MMP16: variants seen among roughly 807,000 people sequenced by gnomAD.
The protein encoded by MMP16 is matrix metalloproteinase-16.
A neutral mutation model predicts 67.8 loss-of-function variants in MMP16; 12 were observed. The ratio of observed to expected loss-of-function variants is 0.18; its 90% confidence interval spans 0.11 to 0.29. The LOEUF is 0.29. Among genes scored for constraint, MMP16 ranks in the 10% least tolerant of loss-of-function variants. The probability of loss-of-function intolerance (pLI) is 1.00; values close to 1 mark genes in which losing one functional copy is unlikely to be tolerated. For missense variants in MMP16, 475 were observed against 765.7 expected, an observed-to-expected ratio of 0.62 and a Z score of 4.48; for synonymous variants, 249 against 255.9, an observed-to-expected ratio of 0.97 and a Z score of 0.26.
intron 1 of MMP16, among the ~76,000 whole-genome samples, chr8:88,226,802 C>G (rs1234687809): frequency 6.6e-6 from 1 of 151,976 alleles, no homozygotes; most frequent in Non-Finnish European, 1.5e-5. Context: ...CTGCCTTCAA[C>G]TCAGTCCCTG....
intron 1 of MMP16, among the ~76,000 whole-genome samples, chr8:88,296,299 T>C (rs1277390899): frequency 3.3e-5 from 5 of 152,236 alleles, no homozygotes; most frequent in Non-Finnish European, 7.3e-5. Context: ...TTATTTTTAA[T>C]TGACAAATAA....
chr8:88,089,153 G>A (rs1049765056), intron 6 of MMP16, among the ~76,000 whole-genome samples: 1 of 151,990 alleles, frequency 6.6e-6, no homozygotes, highest in Non-Finnish European at 1.5e-5. Flanking sequence ...GAGATGATAT[G>A]TCTCTTTCAC....
At chr8:88,146,518 C>A (rs1057371282) in intron 4 of MMP16, among the ~76,000 whole-genome samples, 33 of 151,848 alleles carry the variant, frequency 2.2e-4, no homozygotes, top group Non-Finnish European at 4.9e-4. Context: ...GAAAAAATGT[C>A]ATCATATTGT....
At chr8:88,130,290 A>G (rs1283470980) in intron 4 of MMP16, among the ~76,000 whole-genome samples, 2 of 151,812 alleles carry the variant, frequency 1.3e-5, no homozygotes, top group African/African-American at 4.8e-5. Context: ...CATGGCACAT[A>G]CCAATAAAAT....
At chr8:88,249,745 C>T (rs1312895074) in intron 1 of MMP16, among the ~76,000 whole-genome samples, 1 of 151,968 alleles carries the variant, frequency 6.6e-6, no homozygotes, top group African/African-American at 2.4e-5. Context: ...GGCTGTAGAG[C>T]TCCACACCAC....
Position 88,116,536 on chromosome 8 carries a change from T to C in MMP16, c.1054A>G (p.Ile352Val), listed in dbSNP as rs749916835. 3 of 1,613,252 alleles carry C rather than the reference T, an allele frequency of 1.9e-6. No individual in the cohort carries two copies. Among genetic ancestry groups the C allele is most frequent in the South Asian group, 1.1e-5 (1 of 91,070 alleles). The change falls in exon 6 of 10, where the codon ATT becomes GTT. Residue 352 changes from isoleucine to valine, a missense_variant. Coordinates refer to ENST00000286614, the MANE Select transcript of MMP16 (RefSeq NM_005941.5). ...AAAACAAACATCTCACGACGAAGAA[T>C]AGCTAGAGTGTTAAAGTTCCCATCA... is the stretch of plus-strand genomic sequence containing the variant. Reference protein sequence around the residue: ...ICDGNFNTLAILRREMFVFKD... With the variant: ...ICDGNFNTLAVLRREMFVFKD...
At position 88,137,613 on chromosome 8, in the gene MMP16, G is replaced by T. The variant is rs191706440; in HGVS notation, c.710-18752C>A. 9.1e-4 allele frequency among the ~76,000 whole-genome samples: 139 copies of T among 152,052 alleles called. 4 individuals are homozygous for T. Among genetic ancestry groups the T allele is most frequent in the Admixed American group, 8.7e-3 (132 of 15,228 alleles). ...GGGGTTCAAACACTTGTTCAGTGGT[G>T]TGATGTTTTTCATCTGTTTTAGAAA... On this transcript the variant is annotated intron_variant, in intron 4 of 9. Coordinates refer to ENST00000286614, the MANE Select transcript of MMP16 (RefSeq NM_005941.5).
chr8:88,296,782 T>C (rs956946912), intron 1 of MMP16, among the ~76,000 whole-genome samples: 4 of 150,356 alleles, frequency 2.7e-5, no homozygotes, highest in African/African-American at 9.8e-5. Flanking sequence ...GAGGTGGAGG[T>C]TGCAGTGAGC....
intron 4 of MMP16, among the ~76,000 whole-genome samples, chr8:88,155,837 C>G (rs913558737): frequency 2.6e-5 from 4 of 152,062 alleles, no homozygotes; most frequent in Admixed American, 2.6e-4. Context: ...AAAATACTTT[C>G]AGTGACAGCC....
intron 1 of MMP16, among the ~76,000 whole-genome samples, chr8:88,234,679 G>C (rs1010379975): frequency 1.3e-5 from 2 of 152,180 alleles, no homozygotes; most frequent in Non-Finnish European, 2.9e-5. Context: ...CATGCAATTA[G>C]AGCTGGGGCT....
chr8:88,079,536 T>C (rs1398511874), intron 6 of MMP16, among the ~76,000 whole-genome samples: 1 of 152,184 alleles, frequency 6.6e-6, no homozygotes, highest in African/African-American at 2.4e-5. Context: ...ACTTTAAATG[T>C]TCTTCCTTTT....
chr8:88,158,884 G>A (rs1252554664), intron 4 of MMP16, among the ~76,000 whole-genome samples: 3 of 152,154 alleles, frequency 2.0e-5, no homozygotes, highest in Admixed American at 1.3e-4. Flanking sequence ...TTCTATATAC[G>A]GCTAGCCAGT....
chr8:88,095,462 G>A lies in MMP16; in HGVS notation c.1084-20719C>T, dbSNP rs1355752637. ...TCCGTACCATGGGGAAAGGATATCT[G>A]AATGCCTCTTTCAGTTCAGGCACAA... On this transcript the variant is annotated intron_variant, in intron 6 of 9. Transcript: ENST00000286614. Among the ~76,000 whole-genome samples, 5 of 151,912 alleles carry A rather than the reference G, an allele frequency of 3.3e-5. No individual in the cohort carries two copies. In the East Asian group the frequency reaches 9.8e-4, roughly 30 times the overall value.
At chr8:88,262,650 C>T (rs2129951770) in intron 1 of MMP16, among the ~76,000 whole-genome samples, 1 of 152,110 alleles carries the variant, frequency 6.6e-6, no homozygotes, top group Non-Finnish European at 1.5e-5. Flanking sequence ...GCATCATAAA[C>T]TTTCTTTACT....
intron 1 of MMP16, among the ~76,000 whole-genome samples, chr8:88,318,519 G>A (rs1811407221): frequency 6.6e-6 from 1 of 152,128 alleles, no homozygotes; most frequent in Non-Finnish European, 1.5e-5. Flanking sequence ...AATGGAACTG[G>A]ATCAAATTAT....
At chr8:88,177,024 T>A (rs1211004000) in intron 3 of MMP16, among the ~76,000 whole-genome samples, 1 of 152,194 alleles carries the variant, frequency 6.6e-6, no homozygotes, top group East Asian at 1.9e-4. Flanking sequence ...GCAAAATATA[T>A]CTCTTCATTT....
chr8:88,262,844 T>TACAA (rs1424438848), intron 1 of MMP16, among the ~76,000 whole-genome samples: 5 of 3,112 alleles, frequency 1.6e-3, no homozygotes, highest in African/African-American at 2.5e-3. Context: ...CTACTAAAAA[T>TACAA]ACAAAAAAAA....
Position 88,265,223 on chromosome 8 carries a change from CTTTTTTTT to C in MMP16, c.132+61844_132+61851del, listed in dbSNP as rs398008661. On this transcript the variant is annotated intron_variant, in intron 1 of 9. Transcript: ENST00000286614. ...AACTAAGGGTAGAAATGACCATTTCCTTTTTTTTTTTTTTTTTTTTCAGATACAGACAG... is the reference window on the plus strand; with the variant it reads ...AACTAAGGGTAGAAATGACCATTTCCTTTTTTTTTTTTCAGATACAGACAG... Among the ~76,000 whole-genome samples, 42 of 100,760 alleles carry C rather than the reference CTTTTTTTT, an allele frequency of 4.2e-4. 1 individual carries two copies. The Admixed American group carries it at 4.7e-3, about 11-fold the overall frequency. 66.1% of individuals were successfully genotyped at this position (100,760 alleles called of 152,430 possible).
intron 7 of MMP16, among the ~76,000 whole-genome samples, chr8:88,062,709 T>C (rs1808415789): frequency 6.6e-6 from 1 of 151,852 alleles, no homozygotes; most frequent in Non-Finnish European, 1.5e-5. Context: ...CTAATGTAAA[T>C]GACGAGTTAA....
Sources: gnomAD v4.1 joint callset for allele counts (sites outside exome capture counted in the v4.1 genomes callset) on GRCh38, gnomAD v4.1.1 for gene constraint, MANE v1.5 for transcripts, NCBI Gene and HGNC (gene_info 2026-07-23, HGNC 2026-07-21) for gene names.